Variants in KANSL1L observed in about 807,000 individuals in gnomAD.
KANSL1L encodes KAT8 regulatory NSL complex subunit 1 like, also known as KAT8 regulatory NSL complex subunit 1-like protein.
Under a neutral mutation model 108.6 loss-of-function variants are expected in KANSL1L, and 25 were observed. The observed-to-expected ratio is 0.23, with a 90% CI of 0.17 to 0.32. The LOEUF (loss-of-function observed/expected upper bound fraction) is 0.32, where lower values mean the gene tolerates loss of function less well. Among genes scored for constraint, KANSL1L ranks in the 10% least tolerant of loss-of-function variants. The pLI, the probability that KANSL1L is intolerant of heterozygous loss-of-function variation, is 1.00. For missense variants in KANSL1L, 1,137 were observed against 1,125.7 expected, an observed-to-expected ratio of 1.01 and a Z score of -0.14; for synonymous variants, 405 against 395.1, an observed-to-expected ratio of 1.03 and a Z score of -0.30.
intron 3 of KANSL1L, among the ~76,000 whole-genome samples, chr2:210,122,550 C>A (rs954103267): frequency 1.3e-5 from 2 of 152,008 alleles, no homozygotes; most frequent in Non-Finnish European, 2.9e-5. Context: ...AGACTTAAAT[C>A]TAAGACCTCA....
At chr2:210,129,609 T>G (rs567055955) in intron 2 of KANSL1L, among the ~76,000 whole-genome samples, 1 of 152,328 alleles carries the variant, frequency 6.6e-6, no homozygotes, top group East Asian at 1.9e-4. Context: ...CTGTAGCATA[T>G]TCGATTTTAC....
chr2:210,147,390 C>T (rs1376671020), intron 2 of KANSL1L, among the ~76,000 whole-genome samples: 1 of 152,204 alleles, frequency 6.6e-6, no homozygotes, highest in Non-Finnish European at 1.5e-5. Flanking sequence ...AGAGTTCAGA[C>T]TGCAGTGAGC....
intron 8 of KANSL1L, 28 bp downstream of exon 8, chr2:210,040,392 G>A: frequency 1.0e-6 from 1 of 996,506 alleles, no homozygotes; most frequent in Non-Finnish European, 1.6e-6. Context: ...AAGGCATATA[G>A]AGTACAAGAA....
At chr2:210,024,258 T>G in intron 13 of KANSL1L, 57 bp from the exon 14 acceptor site, 2 of 1,393,464 alleles carry the variant, frequency 1.4e-6, no homozygotes, top group Non-Finnish European at 1.9e-6. Context: ...TCTTGAAAAT[T>G]TATGAACAAC....
At chr2:210,146,724 A>G (rs905600763) in intron 2 of KANSL1L, among the ~76,000 whole-genome samples, 4 of 152,216 alleles carry the variant, frequency 2.6e-5, no homozygotes. Context: ...TTACTTGATC[A>G]TCCTCAGATG....
intron 14 of KANSL1L, among the ~76,000 whole-genome samples, 163 bp downstream of exon 14, chr2:210,023,870 A>G (rs746437734): frequency 7.9e-5 from 12 of 152,230 alleles, no homozygotes; most frequent in Non-Finnish European, 1.6e-4. Context: ...AGGTGATTAT[A>G]GTTAGTAGTG....
At chr2:210,136,586 G>T (rs2125572738) in intron 2 of KANSL1L, among the ~76,000 whole-genome samples, 1 of 152,314 alleles carries the variant, frequency 6.6e-6, no homozygotes, top group African/African-American at 2.4e-5. Context: ...TGTTCAGGAA[G>T]CCAGGCAACC....
At chr2:210,093,232 G>A (rs1196419801) in intron 5 of KANSL1L, among the ~76,000 whole-genome samples, 1 of 152,152 alleles carries the variant, frequency 6.6e-6, no homozygotes, top group Non-Finnish European at 1.5e-5. Flanking sequence ...TGCAACCTCA[G>A]CCTCCTGGAT....
chr2:210,077,356 G>A (rs2094549968), intron 5 of KANSL1L, among the ~76,000 whole-genome samples: 1 of 152,082 alleles, frequency 6.6e-6, no homozygotes, highest in African/African-American at 2.4e-5. Flanking sequence ...TTGATGGCTA[G>A]GAAAGATTTA....
chr2:210,140,608 T>C (rs758634278), intron 2 of KANSL1L, among the ~76,000 whole-genome samples: 10 of 152,232 alleles, frequency 6.6e-5, no homozygotes, highest in Non-Finnish European at 1.0e-4. Flanking sequence ...AGCTTTGTTC[T>C]TTTTGCTCAA....
Position 210,104,139 on chromosome 2 carries a change from T to C in KANSL1L, c.1393A>G (p.Ser465Gly), listed in dbSNP as rs756589050. The C allele has an allele frequency of 6.2e-7, 1 of 1,614,026 alleles. No homozygotes were observed. Among genetic ancestry groups the C allele is most frequent in the African/African-American group, 1.3e-5 (1 of 75,054 alleles). The part of the protein sequence containing the change: ...PEQDFEMSPS[S>G]PTLLLRNIEK... ...ATGTTTCGAAGAAGTAAAGTAGGGC[T>C]GCTTGGTGACATTTCAAAATCTTGT... Residue 465 changes from serine to glycine, a missense_variant, in exon 4 of 15, where the codon AGC becomes GGC. Ser to Gly is a moderately conservative substitution (Grantham distance 56, BLOSUM62 0). Around this residue, in one of 3 missense-constraint regions of KANSL1L, gnomAD observed 556 missense variants for 537.7 expected, o/e 1.03. Transcript: ENST00000281772.
intron 8 of KANSL1L, among the ~76,000 whole-genome samples, chr2:210,037,140 T>A (rs1228130819): frequency 6.6e-6 from 1 of 152,222 alleles, no homozygotes; most frequent in Non-Finnish European, 1.5e-5. Context: ...ATTTTCATAT[T>A]TGCATACTCT....
Position 210,027,366 on chromosome 2 carries a change from A to G in KANSL1L, c.2397-16T>C. 1 of 1,597,432 alleles carries G rather than the reference A, an allele frequency of 6.3e-7. No homozygotes were observed. Among genetic ancestry groups the G allele is most frequent in the Admixed American group, 1.7e-5 (1 of 59,976 alleles). ...CATCCTCCAGCTGTTGAAGATAAAA[A>G]CCAATTTTAAACAGCTTTTATTTAT... On this transcript the variant is annotated splice_polypyrimidine_tract_variant and intron_variant, in intron 11 of 14. Transcript: ENST00000281772.
At chr2:210,161,350 C>A (rs2095360361) in intron 1 of KANSL1L, among the ~76,000 whole-genome samples, 2 of 151,968 alleles carry the variant, frequency 1.3e-5, no homozygotes, top group African/African-American at 2.4e-5. Flanking sequence ...TAAATCATAT[C>A]ATTCTAAACT....
At chr2:210,066,475 G>T (rs766289346) in intron 6 of KANSL1L, among the ~76,000 whole-genome samples, 8 of 152,236 alleles carry the variant, frequency 5.3e-5, no homozygotes, top group Non-Finnish European at 7.3e-5. Context: ...CCACTTCTAT[G>T]GCAAAGATAT....
At chr2:210,048,666 GTTTTGT>G (rs1559513564) in intron 6 of KANSL1L, among the ~76,000 whole-genome samples, 1 of 151,520 alleles carries the variant, frequency 6.6e-6, no homozygotes, top group Non-Finnish European at 1.5e-5. Flanking sequence ...TACGTGTATG[GTTTTGT>G]TTTTGTTTGT....
At chr2:210,086,865 T>C (rs1449609423) in intron 5 of KANSL1L, among the ~76,000 whole-genome samples, 1 of 152,032 alleles carries the variant, frequency 6.6e-6, no homozygotes, top group African/African-American at 2.4e-5. Context: ...AAGCATGCTT[T>C]ATTAGAAGAA....
rs1269797965 is a variant in KANSL1L, at chr2:210,021,622, T to A, written c.*1327A>T. ...ATTTTTTACCCCTTAAAAGGACTAG[T>A]ATAATTTCCAATCTCTAACAAAAAC... On this transcript the variant is annotated 3_prime_UTR_variant, in exon 15 of 15. Coordinates refer to ENST00000281772, the MANE Select transcript of KANSL1L (RefSeq NM_152519.4). The A allele has an allele frequency of 6.6e-6, 1 of 152,544 alleles. No individual in the cohort carries two copies. The highest frequency in any genetic ancestry group is 1.5e-5 in the Non-Finnish European group (1 of 67,978). 9.4% of individuals were successfully genotyped at this position (152,544 alleles called of 1,614,324 possible).
At chr2:210,054,193 G>T (rs1375102673) in intron 6 of KANSL1L, among the ~76,000 whole-genome samples, 1 of 151,640 alleles carries the variant, frequency 6.6e-6, no homozygotes, top group Non-Finnish European at 1.5e-5. Flanking sequence ...GTGGTGGCGG[G>T]CGCCTGTAGT....
Sources: gnomAD v4.1 joint callset for allele counts (sites outside exome capture counted in the v4.1 genomes callset) on GRCh38, gnomAD v4.1.1 for gene constraint, gnomAD v4.1.1 regional missense constraint, MANE v1.5 for transcripts, NCBI Gene and HGNC (gene_info 2026-07-23, HGNC 2026-07-21) for gene names.